The following ARL4D variants were observed in gnomAD, a reference collection of about 807,000 sequenced individuals.
ARL4D encodes ADP-ribosylation factor-like protein 4D.
In ARL4D, 1 loss-of-function variant was observed where a neutral mutation model predicts 0.6. The observed-to-expected ratio is 1.64, with a 90% CI of 0.58 to 7.76. The LOEUF (loss-of-function observed/expected upper bound fraction) is 7.76. Among genes scored for constraint, ARL4D ranks in the 30% most tolerant of loss-of-function variants. The pLI is 0.14. For synonymous variants in ARL4D, 102 were observed against 115.2 expected (o/e 0.89, Z 0.73); for missense variants, 230 against 264.5 (o/e 0.87, Z 0.90).
Position 43,399,843 on chromosome 17 carries a change from C to T in ARL4D, c.111C>T (p.Leu37=). The T allele has an allele frequency of 1.9e-6, 3 of 1,614,120 alleles. No individual in the cohort carries two copies. The highest frequency in any genetic ancestry group is 2.5e-6 in the Non-Finnish European group (3 of 1,180,034). Residue 37 remains leucine (L), a synonymous_variant, in exon 2 of 2, where the codon CTC becomes CTT. Transcript: ENST00000320033. The part of the protein sequence containing the change: ...IGLDSAGKTS[L]LYRLKFKEFV... Reference sequence around the variant, plus strand: ...TGGACTCTGCTGGAAAGACCTCCCTCCTTTACCGCCTCAAGTTCAAGGAGT... The same window carrying T: ...TGGACTCTGCTGGAAAGACCTCCCTTCTTTACCGCCTCAAGTTCAAGGAGT...
chr17:43,399,552 T>C (rs2058078872), intron 1 of ARL4D, 109 bp from the exon 2 acceptor site: 1 of 802,296 alleles, frequency 1.2e-6, no homozygotes, highest in Non-Finnish European at 1.9e-6. Flanking sequence ...GGAAAGGAAT[T>C]TTAAAAATGA....
chr17:43,400,318 G>A lies in ARL4D; in HGVS notation c.586G>A (p.Gly196Ser). 5 of 1,593,006 alleles carry A rather than the reference G, an allele frequency of 3.1e-6. No homozygotes were observed. The highest frequency in any genetic ancestry group is 1.7e-5 in the Admixed American group (1 of 58,626). The stretch of plus-strand genomic sequence containing the variant: ...CCTCAAGAGGAAGAAGGCAGCTCGG[G>A]GTGGCAAGAAGAGACGGTGACCCAA... ...MILKRKKAAR[G>S]GKKRR Residue 196 changes from glycine (G) to serine (S), a missense_variant, in exon 2 of 2, where the codon GGT becomes AGT. Transcript: ENST00000320033.
chr17:43,399,681 G>A lies in ARL4D; in HGVS notation c.-52G>A, dbSNP rs1598080025. 16 of 1,565,832 alleles carry A rather than the reference G, an allele frequency of 1.0e-5. No homozygotes were observed. The East Asian group carries it at 3.6e-4, about 35-fold the overall frequency. On this transcript the variant is annotated 5_prime_UTR_variant, in exon 2 of 2. Transcript: ENST00000320033. The stretch of plus-strand genomic sequence containing the variant: ...TTCAGATAACCCAGCTGTGCTCCCT[G>A]GAACCTTCAATTTCAAGGCCTCCCT...
Position 43,400,265 on chromosome 17 carries a change from A to G in ARL4D, c.533A>G (p.Gln178Arg). ...CSAVDGLGLQ[Q>R]GLERLYEMIL... is the part of the protein sequence containing the mutation. ...GCTGTGGACGGTCTGGGCCTGCAGC[A>G]GGGCCTTGAGCGCCTCTATGAGATG... Residue 178 changes from glutamine (Q) to arginine (R), a missense_variant, in exon 2 of 2, where the codon CAG becomes CGG. Around this residue, in one of 3 missense-constraint regions of ARL4D, gnomAD observed 131 missense variants for 134.4 expected, o/e 0.97. Transcript: ENST00000320033. The G allele has an allele frequency of 6.2e-7, 1 of 1,609,860 alleles. No homozygotes were observed. The highest frequency in any genetic ancestry group is 2.2e-5 in the East Asian group (1 of 44,824).
Position 43,399,933 on chromosome 17 carries a change from G to C in ARL4D, c.201G>C (p.Ser67=), listed in dbSNP as rs1249425765. 2 of 1,613,940 alleles carry C rather than the reference G, an allele frequency of 1.2e-6. No individual in the cohort carries two copies. Among genetic ancestry groups the C allele is most frequent in the Admixed American group, 3.3e-5 (2 of 60,000 alleles). The change falls in exon 2 of 2, where the codon TCG becomes TCC. Residue 67 remains serine (S), a synonymous_variant. Coordinates refer to ENST00000320033, the MANE Select transcript of ARL4D (RefSeq NM_001661.4). Reference sequence around the variant, plus strand: ...AGATCCGGGTGCCCCTCGGGGGATCGCGTGGCATCACCTTCCAAGTGTGGG... The same window carrying C: ...AGATCCGGGTGCCCCTCGGGGGATCCCGTGGCATCACCTTCCAAGTGTGGG... The part of the protein sequence containing the change: ...TEKIRVPLGG[S]RGITFQVWDV...
intron 1 of ARL4D, 113 bp from the exon 2 acceptor site, chr17:43,399,548 G>T: frequency 6.7e-6 from 5 of 745,746 alleles, no homozygotes; most frequent in Non-Finnish European, 1.0e-5. Flanking sequence ...AAAAGGAAAG[G>T]AATTTTAAAA....
Position 43,399,671 on chromosome 17 carries a change from T to G in ARL4D, c.-62T>G. ...CTTTTCTTGGTTCAGATAACCCAGC[T>G]GTGCTCCCTGGAACCTTCAATTTCA... On this transcript the variant is annotated 5_prime_UTR_variant, in exon 2 of 2. Coordinates refer to ENST00000320033, the MANE Select transcript of ARL4D (RefSeq NM_001661.4). The G allele has an allele frequency of 6.5e-7, 1 of 1,540,886 alleles. No homozygotes were observed. The highest frequency in any genetic ancestry group is 8.7e-7 in the Non-Finnish European group (1 of 1,144,402).
chr17:43,400,520 A>T lies in ARL4D; in HGVS notation c.*182A>T. The T allele has an allele frequency of 7.0e-6, 5 of 717,402 alleles. No individual in the cohort carries two copies. Among genetic ancestry groups the T allele is most frequent in the Non-Finnish European group, 1.1e-5 (5 of 436,200 alleles). 44.4% of individuals were successfully genotyped at this position (717,402 alleles called of 1,614,324 possible). A position where few individuals can be genotyped will look rare whatever the true frequency, so the allele number is the denominator to read the frequency against. ...CACTGGGGTGGGGATGGGAGATGGG[A>T]TGTCTTTGCATATCTCTCTCATCCT... On this transcript the variant is annotated 3_prime_UTR_variant, in exon 2 of 2. Transcript: ENST00000320033.
chr17:43,399,925 G>C lies in ARL4D; in HGVS notation c.193G>C (p.Gly65Arg). The change falls in exon 2 of 2, where the codon GGG becomes CGG. Residue 65 changes from glycine to arginine, a missense_variant. Physicochemically the swap from Gly to Arg is moderately radical, Grantham distance 125. Coordinates refer to ENST00000320033, the MANE Select transcript of ARL4D (RefSeq NM_001661.4). ...FNTEKIRVPL[G>R]GSRGITFQVW... is the part of the protein sequence containing the mutation. ...CACCGAGAAGATCCGGGTGCCCCTC[G>C]GGGGATCGCGTGGCATCACCTTCCA... The C allele has an allele frequency of 6.2e-7, 1 of 1,613,972 alleles. No individual in the cohort carries two copies.
At position 43,400,441 on chromosome 17, in the gene ARL4D, C is replaced by T. The variant is rs1270341968; in HGVS notation, c.*103C>T. Reference sequence around the variant, plus strand: ...CTCTCAGTCAGACTGGGGTGCAGGACCTGTCCACCTCAATGAAGGAGAGAG... The same window carrying T: ...CTCTCAGTCAGACTGGGGTGCAGGATCTGTCCACCTCAATGAAGGAGAGAG... On this transcript the variant is annotated 3_prime_UTR_variant, in exon 2 of 2. Coordinates refer to ENST00000320033, the MANE Select transcript of ARL4D (RefSeq NM_001661.4). 4.2e-6 allele frequency: 6 copies of T among 1,419,640 alleles called. No individual in the cohort carries two copies. The highest frequency in any genetic ancestry group is 5.7e-6 in the Non-Finnish European group (6 of 1,056,520). 87.9% of individuals were successfully genotyped at this position (1,419,640 alleles called of 1,614,324 possible).
Position 43,399,666 on chromosome 17 carries a change from C to G in ARL4D, c.-67C>G. 1 of 1,528,700 alleles carries G rather than the reference C, an allele frequency of 6.5e-7. No individual in the cohort carries two copies. Among genetic ancestry groups the G allele is most frequent in the Non-Finnish European group, 8.8e-7 (1 of 1,139,134 alleles). The allele number at this position is 1,528,700 out of a possible 1,614,324, so 94.7% of individuals were successfully genotyped here. On this transcript the variant is annotated 5_prime_UTR_variant, in exon 2 of 2. Coordinates refer to ENST00000320033, the MANE Select transcript of ARL4D (RefSeq NM_001661.4). ...ATGACCTTTTCTTGGTTCAGATAAC[C>G]CAGCTGTGCTCCCTGGAACCTTCAA...
At chr17:43,399,356 G>T (rs2058077868) in intron 1 of ARL4D, among the ~76,000 whole-genome samples, 1 of 152,000 alleles carries the variant, frequency 6.6e-6, no homozygotes, top group Admixed American at 6.6e-5. Flanking sequence ...CGGGGATCTT[G>T]CCTGGGGGAT....
In ARL4D at chr17:43,399,839, C is replaced by T; in HGVS notation, c.107C>T (p.Ser36Phe). ...GGGCTGGACTCTGCTGGAAAGACCTCCCTCCTTTACCGCCTCAAGTTCAAG... is the reference window on the plus strand; with the variant it reads ...GGGCTGGACTCTGCTGGAAAGACCTTCCTCCTTTACCGCCTCAAGTTCAAG... ...VIGLDSAGKT[S>F]LLYRLKFKEF... The change falls in exon 2 of 2, where the codon TCC (serine) becomes TTC (phenylalanine). Residue 36 changes from serine (S) to phenylalanine (F), a missense_variant. By Grantham distance (155) the Ser-to-Phe change is radical. This residue lies in a region of ARL4D where 91 missense variants were observed against 100.4 expected (regional missense o/e 0.91). Coordinates refer to ENST00000320033, the MANE Select transcript of ARL4D (RefSeq NM_001661.4). The T allele has an allele frequency of 6.2e-7, 1 of 1,614,114 alleles. No homozygotes were observed. The highest frequency in any genetic ancestry group is 2.2e-5 in the East Asian group (1 of 44,862).
Position 43,400,188 on chromosome 17 carries a change from G to A in ARL4D, c.456G>A (p.Leu152=). The A allele has an allele frequency of 6.3e-7, 1 of 1,596,784 alleles. No homozygotes were observed. The highest frequency in any genetic ancestry group is 8.5e-7 in the Non-Finnish European group (1 of 1,173,430). Reference sequence around the variant, plus strand: ...GCGCTGCTGAGGTGGAGAAGAGGCTGGCAGTCCGAGAGCTAGCAGCCGCCA... The same window carrying A: ...GCGCTGCTGAGGTGGAGAAGAGGCTAGCAGTCCGAGAGCTAGCAGCCGCCA... The part of the protein sequence containing the change: ...ALSAAEVEKR[L]AVRELAAATL... Residue 152 remains leucine, a synonymous_variant, in exon 2 of 2, where the codon CTG becomes CTA. Coordinates refer to ENST00000320033, the MANE Select transcript of ARL4D (RefSeq NM_001661.4).
Position 43,399,961 on chromosome 17 carries a change from G to C in ARL4D, c.229G>C (p.Val77Leu), listed in dbSNP as rs769510993. ...TGGCATCACCTTCCAAGTGTGGGAC[G>C]TCGGGGGGCAGGAGAAGCTGCGACC... ...SRGITFQVWD[V>L]GGQEKLRPLW... Residue 77 changes from valine to leucine, a missense_variant, in exon 2 of 2, where the codon GTC becomes CTC. Physicochemically the swap from Val to Leu is conservative, Grantham distance 32 (BLOSUM62 1). This residue lies in a region of ARL4D where 91 missense variants were observed against 100.4 expected (regional missense o/e 0.91). Coordinates refer to ENST00000320033, the MANE Select transcript of ARL4D (RefSeq NM_001661.4). 6.2e-7 allele frequency: 1 copy of C among 1,614,060 alleles called. No individual in the cohort carries two copies. The highest frequency in any genetic ancestry group is 1.1e-5 in the South Asian group (1 of 91,082).
chr17:43,399,627 C>G, intron 1 of ARL4D, 34 bp from the exon 2 acceptor site: 2 of 1,395,480 alleles, frequency 1.4e-6, no homozygotes, highest in Non-Finnish European at 1.9e-6. Context: ...TATTAAACGT[C>G]TCCTTTTTCT....
rs187217951 is a variant in ARL4D at position 43,400,576 on chromosome 17, G to C, written c.*238G>C. 2.2e-4 allele frequency: 110 copies of C among 492,158 alleles called. No homozygotes were observed. Among genetic ancestry groups the C allele is most frequent in the African/African-American group, 2.1e-3 (107 of 51,828 alleles). 30.5% of individuals were successfully genotyped at this position (492,158 alleles called of 1,614,324 possible). On this transcript the variant is annotated 3_prime_UTR_variant, in exon 2 of 2. Transcript: ENST00000320033. ...GAGAAGTGGGCGCTGCAGGACTGTGGAGACGTAAATGTAAACTGTGACTCT... is the reference window on the plus strand; with the variant it reads ...GAGAAGTGGGCGCTGCAGGACTGTGCAGACGTAAATGTAAACTGTGACTCT...
rs1275817450 is a variant in ARL4D at position 43,400,033 on chromosome 17, G to A, written c.301G>A (p.Val101Met). 6 of 1,613,988 alleles carry A rather than the reference G, an allele frequency of 3.7e-6. No homozygotes were observed. Among genetic ancestry groups the A allele is most frequent in the Non-Finnish European group, 5.1e-6 (6 of 1,180,032 alleles). Reference sequence around the variant, plus strand: ...CCGGACAGACGGTCTAGTGTTTGTGGTGGACGCTGCGGAGGCTGAGCGGCT... The same window carrying A: ...CCGGACAGACGGTCTAGTGTTTGTGATGGACGCTGCGGAGGCTGAGCGGCT... ...TRRTDGLVFV[V>M]DAAEAERLEE... The change falls in exon 2 of 2, where the codon GTG (valine) becomes ATG (methionine). Residue 101 changes from valine (V) to methionine (M), a missense_variant. Physicochemically the swap from Val to Met is conservative, Grantham distance 21. Transcript: ENST00000320033.
chr17:43,399,776 T>G lies in ARL4D; in HGVS notation c.44T>G (p.Phe15Cys), dbSNP rs772216888. 6.2e-7 allele frequency: 1 copy of G among 1,613,846 alleles called. No individual in the cohort carries two copies. Among genetic ancestry groups the G allele is most frequent in the Non-Finnish European group, 8.5e-7 (1 of 1,179,926 alleles). ...GAGATGGCGCCCACTGCCTCCTCCTTCTTGCCCCACTTCCAAGCCCTGCAT... is the reference window on the plus strand; with the variant it reads ...GAGATGGCGCCCACTGCCTCCTCCTGCTTGCCCCACTTCCAAGCCCTGCAT... ...LTEMAPTASS[F>C]LPHFQALHVV... Residue 15 changes from phenylalanine to cysteine, a missense_variant, in exon 2 of 2, where the codon TTC becomes TGC. Physicochemically the swap from Phe to Cys is radical, Grantham distance 205. This residue lies in a region of ARL4D where 91 missense variants were observed against 100.4 expected (regional missense o/e 0.91). Transcript: ENST00000320033.
Sources: allele counts gnomAD v4.1 joint callset (sites outside exome capture counted in the v4.1 genomes callset), GRCh38; gene constraint gnomAD v4.1.1; regional missense constraint gnomAD v4.1.1; transcripts MANE v1.5; gene names NCBI Gene and HGNC (gene_info 2026-07-23, HGNC 2026-07-21).